The following KCNMB4 variants were observed in gnomAD, a reference collection of about 807,000 sequenced individuals.
KCNMB4 encodes potassium calcium-activated channel subfamily M regulatory beta subunit 4.
In KCNMB4, 3 loss-of-function variants were observed where a neutral mutation model predicts 20.7. The observed-to-expected ratio is 0.14, with a 90% CI of 0.07 to 0.37. KCNMB4 has a LOEUF of 0.37. Ranked by LOEUF, KCNMB4 falls within the 10% of genes least tolerant of loss-of-function variation. The probability of loss-of-function intolerance (pLI) is 1.00; values close to 1 mark genes in which losing one functional copy is unlikely to be tolerated. For missense variants in KCNMB4, 168 were observed against 265.9 expected (o/e 0.63, Z 2.56); for synonymous variants, 110 against 113.4 (o/e 0.97, Z 0.19).
chr12:70,387,101 T>A (rs1868263574), intron 1 of KCNMB4, among the ~76,000 whole-genome samples: 2 of 152,036 alleles, frequency 1.3e-5, no homozygotes, highest in Admixed American at 6.6e-5. Context: ...TGCTTTATTT[T>A]TGTTGTTTTT....
intron 2 of KCNMB4, among the ~76,000 whole-genome samples, chr12:70,419,868 T>G (rs1869006646): frequency 6.6e-6 from 1 of 152,118 alleles, no homozygotes; most frequent in African/African-American, 2.4e-5. Flanking sequence ...GAACAGCAGA[T>G]AGTGGTGGAA....
intron 2 of KCNMB4, among the ~76,000 whole-genome samples, chr12:70,402,048 T>C (rs1868467501): frequency 6.6e-6 from 1 of 152,188 alleles, no homozygotes; most frequent in African/African-American, 2.4e-5. Flanking sequence ...CTCAAGATCT[T>C]GTCCCAGACT....
chr12:70,430,602 C>A lies in KCNMB4; in HGVS notation c.582C>A (p.Ala194=). Residue 194 remains alanine (A), a synonymous_variant, in exon 3 of 3, where the codon GCC becomes GCA. Transcript: ENST00000258111. ...GVLIVVLTIC[A]KSLAVKAEAM... is the part of the protein sequence containing the mutation. ...TCATTGTGGTCCTGACCATCTGTGCCAAGAGCTTGGCGGTCAAGGCGGAAG... is the reference window on the plus strand; with the variant it reads ...TCATTGTGGTCCTGACCATCTGTGCAAAGAGCTTGGCGGTCAAGGCGGAAG... 1 of 1,613,298 alleles carries A rather than the reference C, an allele frequency of 6.2e-7. No homozygotes were observed. Among genetic ancestry groups the A allele is most frequent in the Non-Finnish European group, 8.5e-7 (1 of 1,179,788 alleles).
At chr12:70,401,350 C>CATG (rs781124658) in intron 2 of KCNMB4, among the ~76,000 whole-genome samples, 83 of 151,078 alleles carry the variant, frequency 5.5e-4, no homozygotes, top group Non-Finnish European at 1.1e-3. Flanking sequence ...TTACCTGTAT[C>CATG]ATGACTCTTC....
At chr12:70,411,237 G>A (rs1868764969) in intron 2 of KCNMB4, among the ~76,000 whole-genome samples, 1 of 152,094 alleles carries the variant, frequency 6.6e-6, no homozygotes, top group Admixed American at 6.5e-5. Context: ...GTGAAAGGGA[G>A]AGGCAATTAG....
chr12:70,402,189 C>T (rs886270924), intron 2 of KCNMB4, among the ~76,000 whole-genome samples: 4 of 152,056 alleles, frequency 2.6e-5, no homozygotes, highest in African/African-American at 9.7e-5. Context: ...TCTTGGCGGC[C>T]ATACTGGAAA....
chr12:70,398,998 A>G (rs1868388734), intron 1 of KCNMB4, among the ~76,000 whole-genome samples: 1 of 152,212 alleles, frequency 6.6e-6, no homozygotes, highest in Non-Finnish European at 1.5e-5. Context: ...AACAAAGGGC[A>G]TTAAAAGGAG....
chr12:70,378,356 T>G (rs1374659110), intron 1 of KCNMB4, among the ~76,000 whole-genome samples: 1 of 152,218 alleles, frequency 6.6e-6, no homozygotes, highest in African/African-American at 2.4e-5. Context: ...CCATGAGGGT[T>G]GGAATCAACT....
At chr12:70,411,111 A>G (rs1449817654) in intron 2 of KCNMB4, among the ~76,000 whole-genome samples, 1 of 152,224 alleles carries the variant, frequency 6.6e-6, no homozygotes, top group Non-Finnish European at 1.5e-5. Context: ...AGACTGATGG[A>G]TGAAATGATC....
At chr12:70,396,867 G>A (rs988171453) in intron 1 of KCNMB4, among the ~76,000 whole-genome samples, 4 of 152,094 alleles carry the variant, frequency 2.6e-5, no homozygotes, top group East Asian at 1.9e-4. Context: ...CTGGATTCTC[G>A]AGTTCTTTTT....
intron 1 of KCNMB4, among the ~76,000 whole-genome samples, chr12:70,382,358 G>A (rs1337290573): frequency 4.7e-5 from 7 of 148,360 alleles, no homozygotes; most frequent in Non-Finnish European, 7.4e-5. Flanking sequence ...GCGTGAACCC[G>A]GAAGGCGGAG....
chr12:70,393,500 C>T (rs970075942), intron 1 of KCNMB4, among the ~76,000 whole-genome samples: 6 of 152,096 alleles, frequency 3.9e-5, no homozygotes, highest in South Asian at 2.1e-4. Flanking sequence ...CACGCCCCGC[C>T]GTGTTTTTAT....
chr12:70,422,943 A>G (rs1196105085), intron 2 of KCNMB4: 4 of 695,284 alleles, frequency 5.8e-6, no homozygotes, highest in African/African-American at 1.9e-5. Flanking sequence ...GGTTGAGACA[A>G]TTACTTCACT....
At chr12:70,390,396 T>C (rs938000563) in intron 1 of KCNMB4, among the ~76,000 whole-genome samples, 9 of 152,198 alleles carry the variant, frequency 5.9e-5, no homozygotes, top group African/African-American at 2.2e-4. Context: ...AAATGGTAAA[T>C]TGATGTTGCA....
chr12:70,366,691 G>T lies in KCNMB4; in HGVS notation c.-44G>T. 7.2e-7 allele frequency: 1 copy of T among 1,397,044 alleles called. No homozygotes were observed. Among genetic ancestry groups the T allele is most frequent in the Non-Finnish European group, 9.4e-7 (1 of 1,068,070 alleles). The allele number at this position is 1,397,044 out of a possible 1,614,324, so 86.5% of individuals were successfully genotyped here. A position where few individuals can be genotyped will look rare whatever the true frequency, so the allele number is the denominator to read the frequency against. ...GCAGTCGGGCTCGGCGCCGGGGGCG[G>T]GAGGGGGCGGGGGGAGCACGCCAGC... is the stretch of plus-strand genomic sequence containing the variant. On this transcript the variant is annotated 5_prime_UTR_variant, in exon 1 of 3. Transcript: ENST00000258111.
intron 1 of KCNMB4, among the ~76,000 whole-genome samples, chr12:70,385,276 T>G (rs1273399038): frequency 1.3e-5 from 2 of 152,298 alleles, no homozygotes; most frequent in South Asian, 2.1e-4. Flanking sequence ...GTTGGAGCTT[T>G]CTTTCTGGCA....
At chr12:70,428,667 TG>T (rs1243822937) in intron 2 of KCNMB4, among the ~76,000 whole-genome samples, 5 of 152,194 alleles carry the variant, frequency 3.3e-5, no homozygotes, top group African/African-American at 1.2e-4. Context: ...AAAATTTGCA[TG>T]GATAATAAGG....
intron 2 of KCNMB4, among the ~76,000 whole-genome samples, chr12:70,415,272 G>T (rs1370437855): frequency 6.6e-6 from 1 of 152,180 alleles, no homozygotes; most frequent in Non-Finnish European, 1.5e-5. Context: ...AGTTCCAGAA[G>T]CCTCTTCTGT....
intron 1 of KCNMB4, among the ~76,000 whole-genome samples, chr12:70,370,270 G>T (rs1334080292): frequency 6.6e-6 from 1 of 151,662 alleles, no homozygotes; most frequent in African/African-American, 2.4e-5. Context: ...CAGATTAAAA[G>T]ATATTGTTGG....
Sources: gnomAD v4.1 joint callset for allele counts (sites outside exome capture counted in the v4.1 genomes callset) on GRCh38, gnomAD v4.1.1 for gene constraint, MANE v1.5 for transcripts, NCBI Gene and HGNC (gene_info 2026-07-23, HGNC 2026-07-21) for gene names.